The following TNNI3 variants were observed in gnomAD, a reference collection of about 807,000 sequenced individuals.
The protein encoded by TNNI3 is troponin I3, cardiac type.
TNNI3 carries 23 observed loss-of-function variants against 31.5 expected under a neutral mutation model. That is an observed-to-expected ratio of 0.73 (90% CI 0.52 to 1.03). TNNI3 has a LOEUF of 1.03. TNNI3 is among the 50% of genes least tolerant of loss of function. TNNI3 has a pLI of 0.00. For missense variants in TNNI3, 236 were observed against 282.9 expected (o/e 0.83, Z 1.19); for synonymous variants, 120 against 111.7 (o/e 1.07, Z -0.47).
In TNNI3 at chr19:55,154,802, A is replaced by T; in HGVS notation, c.311T>A (p.Val104Glu). 6.2e-7 allele frequency: 1 copy of T among 1,614,134 alleles called. No individual in the cohort carries two copies. Among genetic ancestry groups the T allele is most frequent in the Middle Eastern group, 1.6e-4 (1 of 6,062 alleles). ...GTATCTCTCTTCATCCACCTTGTCC[A>T]CACGGGCGTGGAGCTGTCGGCACAA... is the stretch of plus-strand genomic sequence containing the variant. ...QDLCRQLHAR[V>E]DKVDEERYDI... Residue 104 changes from valine (V) to glutamate (E), a missense_variant, in exon 6 of 8, where the codon GTG (valine) becomes GAG (glutamate). By Grantham distance (121) the Val-to-Glu change is moderately radical (BLOSUM62 -2). Around this residue, in one of 4 missense-constraint regions of TNNI3, gnomAD observed 172 missense variants for 171.8 expected, o/e 1.00. Transcript: ENST00000344887.
At chr19:55,154,307 G>T in intron 6 of TNNI3, 101 bp from the exon 7 acceptor site, 1 of 1,292,114 alleles carries the variant, frequency 7.7e-7, no homozygotes, top group Non-Finnish European at 1.1e-6. Context: ...TCGTCTTCCA[G>T]TACCGAGGCC....
At chr19:55,154,237 C>T (rs371097843) in intron 6 of TNNI3, 31 bp from the exon 7 acceptor site, 1 of 1,603,716 alleles carries the variant, frequency 6.2e-7, no homozygotes, top group Admixed American at 1.7e-5. Context: ...GGGTACTTCT[C>T]CTTCCATTTC....
At chr19:55,154,917 G>A in intron 5 of TNNI3, 87 bp from the exon 6 acceptor site, 2 of 1,174,402 alleles carry the variant, frequency 1.7e-6, no homozygotes, top group Middle Eastern at 1.9e-4. Flanking sequence ...GGGGCTCGGG[G>A]CCTGGACTCC....
intron 5 of TNNI3, among the ~76,000 whole-genome samples, chr19:55,155,067 G>A (rs1228101744): frequency 1.4e-5 from 2 of 137,934 alleles, no homozygotes; most frequent in Admixed American, 1.4e-4. Context: ...AGGGGCTGAG[G>A]GCCTCGATTC....
Position 55,156,063 on chromosome 19 carries a change from G to T in TNNI3, c.282+138C>A, listed in dbSNP as rs548832905. 301 of 1,313,906 alleles carry T rather than the reference G, an allele frequency of 2.3e-4. 2 individuals are homozygous for T. Among genetic ancestry groups the T allele is most frequent in the African/African-American group, 1.3e-3 (92 of 68,956 alleles). The allele number at this position is 1,313,906 out of a possible 1,614,324, so 81.4% of individuals were successfully genotyped here. On this transcript the variant is annotated intron_variant, in intron 5 of 7. Transcript: ENST00000344887. The surrounding 1 kb of genome is among the most constrained non-coding windows in gnomAD (Gnocchi z 4.6). ...CAGACCTGCACACAAAGGGTGTTAGGGGCCAGGAGTCCCACGAACCATATA... is the reference window on the plus strand; with the variant it reads ...CAGACCTGCACACAAAGGGTGTTAGTGGCCAGGAGTCCCACGAACCATATA...
Position 55,156,305 on chromosome 19 carries a change from C to G in TNNI3, c.178G>C (p.Glu60Gln), listed in dbSNP as rs776162352. ...KTLLLQIAKQ[E>Q]LEREAEERRG... is the part of the protein sequence containing the mutation. ...CGCTCCTCCGCCTCTCGCTCCAGCT[C>G]TTGCTTTGCAATCTGCAGCAGCAGA... is the stretch of plus-strand genomic sequence containing the variant. Residue 60 changes from glutamate to glutamine, a missense_variant, in exon 5 of 8, where the codon GAG (glutamate) becomes CAG (glutamine). Around this residue, in one of 4 missense-constraint regions of TNNI3, gnomAD observed 172 missense variants for 171.8 expected, o/e 1.00. Transcript: ENST00000344887. This position sits in a 1 kb window ranked among gnomAD's most constrained non-coding sequence, Gnocchi z 4.6. 3.7e-6 allele frequency: 6 copies of G among 1,610,244 alleles called. No individual in the cohort carries two copies. The South Asian group carries it at 6.6e-5, about 18-fold the overall frequency.
At position 55,156,565 on chromosome 19, in the gene TNNI3, G is replaced by A. The variant is rs775251397; in HGVS notation, c.150+38C>T. 3.9e-6 allele frequency: 6 copies of A among 1,553,820 alleles called. No individual in the cohort carries two copies. The South Asian group carries it at 5.9e-5, about 15-fold the overall frequency. ...CCCATTCTCAAGCTCCGCCCCCTGA[G>A]CACCTGCCTGCTCTTTCCCAGTCCC... On this transcript the variant is annotated intron_variant, in intron 4 of 7. Transcript: ENST00000344887. This position sits in a 1 kb window ranked among gnomAD's most constrained non-coding sequence, Gnocchi z 4.6.
At chr19:55,154,654 A>C in intron 6 of TNNI3, 87 bp downstream of exon 6, 1 of 1,192,716 alleles carries the variant, frequency 8.4e-7, no homozygotes, top group Non-Finnish European at 1.2e-6. Context: ...ATGTGCAGCC[A>C]AAAGCAGCTG....
Position 55,156,635 on chromosome 19 carries a change from T to G in TNNI3, c.118A>C (p.Lys40Gln). Residue 40 changes from lysine (K) to glutamine (Q), a missense_variant, in exon 4 of 8, where the codon AAG becomes CAG. By Grantham distance (53) the Lys-to-Gln change is moderately conservative. Transcript: ENST00000344887. The surrounding 1 kb of genome is among the most constrained non-coding windows in gnomAD (Gnocchi z 4.6). ...TGCAATTTTCTCGAGGCGGAGATCT[T>G]AGATTTTTTCTGCCAGGGTGAGATG... ...ATEPHAKKKSKISASRKLQLK... is the reference protein window; with the variant it reads ...ATEPHAKKKSQISASRKLQLK... The G allele has an allele frequency of 6.4e-7, 1 of 1,565,520 alleles. No individual in the cohort carries two copies. The highest frequency in any genetic ancestry group is 1.2e-5 in the South Asian group (1 of 85,468).
Position 55,156,568 on chromosome 19 carries a change from C to A in TNNI3, c.150+35G>T. ...ATTCTCAAGCTCCGCCCCCTGAGCA[C>A]CTGCCTGCTCTTTCCCAGTCCCGCC... On this transcript the variant is annotated intron_variant, in intron 4 of 7. Transcript: ENST00000344887. The surrounding 1 kb of genome is among the most constrained non-coding windows in gnomAD (Gnocchi z 4.6). 6.4e-7 allele frequency: 1 copy of A among 1,554,874 alleles called. No homozygotes were observed. Among genetic ancestry groups the A allele is most frequent in the Non-Finnish European group, 8.7e-7 (1 of 1,148,318 alleles).
At chr19:55,151,978 TC>T (rs1371753285) in intron 7 of TNNI3, 61 bp from the exon 8 acceptor site, 30 of 1,488,768 alleles carry the variant, frequency 2.0e-5, no homozygotes, top group African/African-American at 2.8e-5. Context: ...CTCTCAAGAA[TC>T]CCTGTCTTCC....
Position 55,156,238 on chromosome 19 carries a change from G to T in TNNI3, c.245C>A (p.Pro82Gln), listed in dbSNP as rs752503819. The T allele has an allele frequency of 6.2e-7, 1 of 1,612,504 alleles. No individual in the cohort carries two copies. The highest frequency in any genetic ancestry group is 1.7e-4 in the Middle Eastern group (1 of 6,052). Residue 82 changes from proline (P) to glutamine (Q), a missense_variant, in exon 5 of 8, where the codon CCG (proline) becomes CAG (glutamine). Around this residue, in one of 4 missense-constraint regions of TNNI3, gnomAD observed 172 missense variants for 171.8 expected, o/e 1.00. Transcript: ENST00000344887. The surrounding 1 kb of genome is among the most constrained non-coding windows in gnomAD (Gnocchi z 4.6). ...KGRALSTRCQ[P>Q]LELAGLGFAE... Reference sequence around the variant, plus strand: ...GAAGCCCAGCCCGGCCAACTCCAGCGGCTGGCAGCGGGTGCTCAGAGCGCG... The same window carrying T: ...GAAGCCCAGCCCGGCCAACTCCAGCTGCTGGCAGCGGGTGCTCAGAGCGCG...
chr19:55,154,862 G>A, intron 5 of TNNI3, 32 bp from the exon 6 acceptor site: 2 of 1,602,376 alleles, frequency 1.2e-6, no homozygotes, highest in Non-Finnish European at 1.7e-6. Context: ...TGTTGTTGGG[G>A]GAACCAAAAA....
In TNNI3 at chr19:55,156,445, A is replaced by G. The variant is rs989885633; in HGVS notation, c.151-113T>C. On this transcript the variant is annotated intron_variant, in intron 4 of 7. Coordinates refer to ENST00000344887, the MANE Select transcript of TNNI3 (RefSeq NM_000363.5). This position sits in a 1 kb window ranked among gnomAD's most constrained non-coding sequence, Gnocchi z 4.6. ...CTCCAGTTTGGTCTCCACTGTTCCA[A>G]GGCCCCGTCCCACCCCGAGCAGTAC... is the stretch of plus-strand genomic sequence containing the variant. The G allele has an allele frequency of 6.0e-6, 9 of 1,511,590 alleles. No homozygotes were observed. The highest frequency in any genetic ancestry group is 8.0e-6 in the Non-Finnish European group (9 of 1,120,948). 93.6% of individuals were successfully genotyped at this position (1,511,590 alleles called of 1,614,324 possible). A position where few individuals can be genotyped will look rare whatever the true frequency, so the allele number is the denominator to read the frequency against.
chr19:55,157,183 C>A lies in TNNI3; in HGVS notation c.25-50G>T, dbSNP rs200856011. 18 of 1,589,360 alleles carry A rather than the reference C, an allele frequency of 1.1e-5. No homozygotes were observed. Among genetic ancestry groups the A allele is most frequent in the Non-Finnish European group, 1.5e-5 (17 of 1,169,022 alleles). On this transcript the variant is annotated intron_variant, in intron 2 of 7. Transcript: ENST00000344887. This position sits in a 1 kb window ranked among gnomAD's most constrained non-coding sequence, Gnocchi z 6.3. ...CATCACCACCAAGACCCCACCCAGC[C>A]CTTACCGTACCGCACCCTCTGCTAG...
At position 55,157,703 on chromosome 19, in the gene TNNI3, C is replaced by T. The variant is rs554755235; in HGVS notation, c.-114G>A. On this transcript the variant is annotated 5_prime_UTR_variant, in exon 1 of 8. Coordinates refer to ENST00000344887, the MANE Select transcript of TNNI3 (RefSeq NM_000363.5). This position sits in a 1 kb window ranked among gnomAD's most constrained non-coding sequence, Gnocchi z 6.3. Reference sequence around the variant, plus strand: ...GGGTCCCAGGGACCGTCAGTCTCCTCCGGGCTGCTTGAGACTCCCCGAGGA... The same window carrying T: ...GGGTCCCAGGGACCGTCAGTCTCCTTCGGGCTGCTTGAGACTCCCCGAGGA... The T allele has an allele frequency of 1.2e-4, 152 of 1,294,488 alleles. 1 individual carries two copies. In the South Asian group the frequency reaches 1.8e-3, roughly 15 times the overall value. The allele number at this position is 1,294,488 out of a possible 1,614,324, so 80.2% of individuals were successfully genotyped here.
chr19:55,154,835 AG>A lies in TNNI3; in HGVS notation c.283-6del, dbSNP rs2085717165. The A allele has an allele frequency of 6.2e-7, 1 of 1,614,014 alleles. No individual in the cohort carries two copies. Among genetic ancestry groups the A allele is most frequent in the African/African-American group, 1.3e-5 (1 of 75,030 alleles). Reference sequence around the variant, plus strand: ...GTGGAGCTGTCGGCACAAGTCCTGGAGGAGGAACGTGGTGTGTGTTGTTGGG... The same window carrying A: ...GTGGAGCTGTCGGCACAAGTCCTGGAGAGGAACGTGGTGTGTGTTGTTGGG... On this transcript the variant is annotated splice_polypyrimidine_tract_variant and splice_region_variant and intron_variant, in intron 5 of 7. Transcript: ENST00000344887.
Position 55,156,055 on chromosome 19 carries a change from G to A in TNNI3, c.282+146C>T. 3.3e-6 allele frequency: 4 copies of A among 1,214,356 alleles called. No individual in the cohort carries two copies. The highest frequency in any genetic ancestry group is 3.0e-5 in the African/African-American group (2 of 66,960). The allele number at this position is 1,214,356 out of a possible 1,614,324, so 75.2% of individuals were successfully genotyped here. ...AGACTCCACAGACCTGCACACAAAG[G>A]GTGTTAGGGGCCAGGAGTCCCACGA... On this transcript the variant is annotated intron_variant, in intron 5 of 7. Transcript: ENST00000344887. The surrounding 1 kb of genome is among the most constrained non-coding windows in gnomAD (Gnocchi z 4.6).
In TNNI3 at chr19:55,152,625, TTTA is replaced by T. The variant is rs150789327; in HGVS notation, c.550-711_550-709del. On this transcript the variant is annotated intron_variant, in intron 7 of 7. Coordinates refer to ENST00000344887, the MANE Select transcript of TNNI3 (RefSeq NM_000363.5). This position sits in a 1 kb window ranked among gnomAD's most constrained non-coding sequence, Gnocchi z 4.0. ...TTACAATCTGTTATAATTGTTCTATTTTATTATTATTATTATTTGAGACAGGGT... is the reference window on the plus strand; with the variant it reads ...TTACAATCTGTTATAATTGTTCTATTTTATTATTATTATTTGAGACAGGGT... Among the ~76,000 whole-genome samples, 2 of 152,042 alleles carry T rather than the reference TTTA, an allele frequency of 1.3e-5. No individual in the cohort carries two copies. The highest frequency in any genetic ancestry group is 6.6e-5 in the Admixed American group (1 of 15,262).
Sources: gnomAD v4.1 joint callset for allele counts (sites outside exome capture counted in the v4.1 genomes callset) on GRCh38, gnomAD v4.1.1 for gene constraint, gnomAD v4.1.1 regional missense constraint, Gnocchi (gnomAD v3.1) non-coding constraint, MANE v1.5 for transcripts, NCBI Gene and HGNC (gene_info 2026-07-23, HGNC 2026-07-21) for gene names.